Variants in KSR2 observed in about 807,000 individuals in gnomAD.
The protein encoded by KSR2 is kinase suppressor of ras 2.
KSR2 carries 25 observed loss-of-function variants against 107.8 expected under a neutral mutation model. The observed-to-expected ratio is 0.23, with a 90% CI of 0.17 to 0.32. KSR2 has a LOEUF of 0.32. KSR2 is among the 10% of genes least tolerant of loss of function. The pLI is 1.00. For missense variants in KSR2, 887 were observed against 1,268.9 expected, an observed-to-expected ratio of 0.70 and a Z score of 4.57; for synonymous variants, 480 against 507.0, an observed-to-expected ratio of 0.95 and a Z score of 0.71.
At chr12:117,547,437 G>A (rs1367823875) in intron 9 of KSR2, among the ~76,000 whole-genome samples, 1 of 152,108 alleles carries the variant, frequency 6.6e-6, no homozygotes, top group Non-Finnish European at 1.5e-5. Flanking sequence ...GGGAGGGAGT[G>A]CTGCATTATT....
intron 4 of KSR2, among the ~76,000 whole-genome samples, chr12:117,702,109 C>A (rs1435526524): frequency 2.6e-5 from 4 of 152,192 alleles, no homozygotes; most frequent in Non-Finnish European, 4.4e-5. Flanking sequence ...ACTCCAGGGC[C>A]TTTGCACATG....
intron 4 of KSR2, among the ~76,000 whole-genome samples, chr12:117,679,204 G>A (rs974072084): frequency 4.6e-5 from 7 of 152,018 alleles, no homozygotes; most frequent in Non-Finnish European, 8.8e-5. Flanking sequence ...CAGAACCATC[G>A]AACTTTAGGT....
intron 5 of KSR2, among the ~76,000 whole-genome samples, chr12:117,664,573 C>T (rs1172952413): frequency 6.6e-6 from 1 of 152,102 alleles, no homozygotes. Context: ...CCAAGCCCCA[C>T]CCAGAGTCCC....
chr12:117,924,403 TA>T (rs1302632856), intron 1 of KSR2, among the ~76,000 whole-genome samples: 6 of 146,686 alleles, frequency 4.1e-5, no homozygotes, highest in Non-Finnish European at 6.0e-5. Flanking sequence ...CCGTCTCTAC[TA>T]AAAAAAATAC....
chr12:117,873,227 C>A (rs1441958257), intron 1 of KSR2, among the ~76,000 whole-genome samples: 1 of 151,812 alleles, frequency 6.6e-6, no homozygotes, highest in African/African-American at 2.4e-5. Context: ...TGCCTGTAAT[C>A]CCAGCTACTC....
chr12:117,886,188 G>GGTATAAATAATACATATAGGTAT (rs1439409965), intron 1 of KSR2, among the ~76,000 whole-genome samples: 1 of 149,548 alleles, frequency 6.7e-6, no homozygotes, highest in African/African-American at 2.5e-5. Flanking sequence ...TATTTGTATA[G>GGTATAAATAATACATATAGGTAT]GTATAAATAA....
chr12:117,470,913 A>G (rs1871412077), intron 18 of KSR2, among the ~76,000 whole-genome samples: 1 of 152,230 alleles, frequency 6.6e-6, no homozygotes, highest in Non-Finnish European at 1.5e-5. Context: ...CCAGAAAAAG[A>G]GAGATATATT....
intron 7 of KSR2, among the ~76,000 whole-genome samples, chr12:117,570,012 T>G (rs1245679389): frequency 6.6e-6 from 1 of 151,926 alleles, no homozygotes; most frequent in Non-Finnish European, 1.5e-5. Context: ...GACTTTTTTT[T>G]TTTTTTTTGA....
intron 14 of KSR2, among the ~76,000 whole-genome samples, chr12:117,498,963 C>A (rs1390602368): frequency 6.6e-6 from 1 of 152,220 alleles, no homozygotes; most frequent in Non-Finnish European, 1.5e-5. Flanking sequence ...GACTAATACA[C>A]TAAGATACGC....
intron 12 of KSR2, among the ~76,000 whole-genome samples, chr12:117,529,508 G>A (rs577037287): frequency 2.0e-5 from 3 of 152,108 alleles, no homozygotes; most frequent in East Asian, 1.9e-4. Context: ...GAGCCACTGC[G>A]CCTGGCCAAG....
chr12:117,781,851 T>C (rs1889900330), intron 3 of KSR2, among the ~76,000 whole-genome samples: 1 of 152,190 alleles, frequency 6.6e-6, no homozygotes, highest in South Asian at 2.1e-4. Context: ...TAAAAGGAGA[T>C]GCTGCCGAAC....
chr12:117,546,651 T>C (rs1477580745), intron 9 of KSR2, among the ~76,000 whole-genome samples: 1 of 152,250 alleles, frequency 6.6e-6, no homozygotes, highest in African/African-American at 2.4e-5. Flanking sequence ...CTTGATACTC[T>C]GCTCAGGCCA....
chr12:117,669,471 C>T (rs1565952639), intron 4 of KSR2, among the ~76,000 whole-genome samples: 1 of 151,818 alleles, frequency 6.6e-6, no homozygotes, highest in African/African-American at 2.4e-5. Flanking sequence ...TGAGGCTTGA[C>T]TGAAATAGGC....
chr12:117,863,227 CTG>C (rs1893368701), intron 1 of KSR2, among the ~76,000 whole-genome samples: 1 of 152,142 alleles, frequency 6.6e-6, no homozygotes, highest in South Asian at 2.1e-4. Context: ...AACTGGGCCA[CTG>C]AGACCCCACC....
chr12:117,880,219 G>A (rs1219792987), intron 1 of KSR2, among the ~76,000 whole-genome samples: 1 of 152,152 alleles, frequency 6.6e-6, no homozygotes, highest in Non-Finnish European at 1.5e-5. Flanking sequence ...GGAATAAATA[G>A]AATGAATTTT....
At chr12:117,665,162 G>A (rs1370496160) in intron 5 of KSR2, among the ~76,000 whole-genome samples, 2 of 152,046 alleles carry the variant, frequency 1.3e-5, no homozygotes, top group Non-Finnish European at 2.9e-5. Context: ...TGTCCAAGGG[G>A]CAGTTGTGCT....
chr12:117,626,565 A>C (rs1882527332), intron 5 of KSR2, among the ~76,000 whole-genome samples: 1 of 152,198 alleles, frequency 6.6e-6, no homozygotes, highest in Non-Finnish European at 1.5e-5. Context: ...CTGTCGTCTG[A>C]GAGACAGTTT....
At chr12:117,701,508 TG>T (rs1886313143) in intron 4 of KSR2, among the ~76,000 whole-genome samples, 1 of 152,242 alleles carries the variant, frequency 6.6e-6, no homozygotes, top group Admixed American at 6.5e-5. Flanking sequence ...ATCTCTGTAG[TG>T]GGCTGAATGG....
At chr12:117,626,362 A>T (rs1367993401) in intron 5 of KSR2, among the ~76,000 whole-genome samples, 1 of 152,180 alleles carries the variant, frequency 6.6e-6, no homozygotes, top group Non-Finnish European at 1.5e-5. Flanking sequence ...ATTTCCCTCT[A>T]CACATTGCTT....
Sources: gnomAD v4.1 joint callset for allele counts (sites outside exome capture counted in the v4.1 genomes callset) on GRCh38, gnomAD v4.1.1 for gene constraint, MANE v1.5 for transcripts, NCBI Gene and HGNC (gene_info 2026-07-23, HGNC 2026-07-21) for gene names.